SNX7: variants seen among roughly 807,000 people sequenced by gnomAD.
The protein encoded by SNX7 is sorting nexin 7, also known as sorting nexin-7.
Under a neutral mutation model 48.4 loss-of-function variants are expected in SNX7, and 35 were observed. That is an observed-to-expected ratio of 0.72 (90% CI 0.55 to 0.96). The LOEUF is 0.96. SNX7 is among the 40% of genes least tolerant of loss of function. SNX7 has a pLI of 0.00. For missense variants in SNX7, 553 were observed against 548.9 expected (o/e 1.01, Z -0.07); for synonymous variants, 190 against 190.2 (o/e 1.00, Z 0.01).
intron 7 of SNX7, among the ~76,000 whole-genome samples, chr1:98,723,806 A>G (rs983078156): frequency 2.0e-5 from 3 of 151,964 alleles, no homozygotes; most frequent in African/African-American, 7.3e-5. Flanking sequence ...GGTTGCGCTG[A>G]ACTGAGATCG....
rs1166805086 is a variant in SNX7 at position 98,709,122 on chromosome 1, T to G, written c.1125+7219T>G. On this transcript the variant is annotated intron_variant, in intron 7 of 8. Coordinates refer to ENST00000306121, the MANE Select transcript of SNX7 (RefSeq NM_015976.5). ...TTAGTTTACTCAACTGTGAGAGATGTGGGTAATGCCTTCCGTAGAGTGTTG... is the reference window on the plus strand; with the variant it reads ...TTAGTTTACTCAACTGTGAGAGATGGGGGTAATGCCTTCCGTAGAGTGTTG... Among the ~76,000 whole-genome samples, 3 of 152,210 alleles carry G rather than the reference T, an allele frequency of 2.0e-5. No homozygotes were observed. In the South Asian group the frequency reaches 6.2e-4, roughly 32 times the overall value.
At chr1:98,676,139 A>G (rs899133702) in intron 1 of SNX7, among the ~76,000 whole-genome samples, 1 of 151,778 alleles carries the variant, frequency 6.6e-6, no homozygotes, top group Non-Finnish European at 1.5e-5. Context: ...CCATCCCCCC[A>G]GTCATACACA....
chr1:98,696,256 T>C (rs1651452077), intron 5 of SNX7, among the ~76,000 whole-genome samples: 1 of 152,026 alleles, frequency 6.6e-6, no homozygotes, highest in African/African-American at 2.4e-5. Flanking sequence ...AATTTTCTAA[T>C]TGCATTTACT....
At chr1:98,702,503 AC>A (rs1206724819) in intron 7 of SNX7, among the ~76,000 whole-genome samples, 1 of 152,072 alleles carries the variant, frequency 6.6e-6, no homozygotes, top group Non-Finnish European at 1.5e-5. Flanking sequence ...TTAAATTTTT[AC>A]TGAAGTATTC....
chr1:98,737,717 TAG>T (rs1448638656), intron 7 of SNX7, among the ~76,000 whole-genome samples: 1 of 152,046 alleles, frequency 6.6e-6, no homozygotes, highest in African/African-American at 2.4e-5. Flanking sequence ...GCTATCTGAG[TAG>T]AGTTTGCAGG....
In SNX7 at chr1:98,739,331, G is replaced by A. The variant is rs369676959; in HGVS notation, c.1278+942G>A. Among the ~76,000 whole-genome samples the A allele has an allele frequency of 2.0e-5, 3 of 152,230 alleles. No homozygotes were observed. In the East Asian group the frequency reaches 5.8e-4, roughly 29 times the overall value. On this transcript the variant is annotated intron_variant, in intron 8 of 8. Transcript: ENST00000306121. Reference sequence around the variant, plus strand: ...GACCAGTACCAGTCCATGGCCCAGGGGTTGAGGACCCCTGTAATTTATAGT... The same window carrying A: ...GACCAGTACCAGTCCATGGCCCAGGAGTTGAGGACCCCTGTAATTTATAGT...
intron 7 of SNX7, among the ~76,000 whole-genome samples, chr1:98,719,974 G>A (rs1052307577): frequency 6.0e-5 from 9 of 150,534 alleles, no homozygotes; most frequent in Non-Finnish European, 1.0e-4. Flanking sequence ...TGTCCCAGTC[G>A]TACCCGTTAT....
chr1:98,755,770 A>C (rs944891323), intron 8 of SNX7, among the ~76,000 whole-genome samples: 1 of 151,806 alleles, frequency 6.6e-6, no homozygotes, highest in Admixed American at 6.6e-5. Flanking sequence ...GCCCATATAT[A>C]TATTTTTTAA....
chr1:98,739,603 A>G (rs889047700), intron 8 of SNX7, among the ~76,000 whole-genome samples: 1 of 152,320 alleles, frequency 6.6e-6, no homozygotes, highest in African/African-American at 2.4e-5. Flanking sequence ...CGGTATAGAA[A>G]GACATTGCAG....
intron 7 of SNX7, among the ~76,000 whole-genome samples, chr1:98,726,842 T>G (rs1009438486): frequency 9.9e-5 from 15 of 152,212 alleles, no homozygotes; most frequent in Non-Finnish European, 1.6e-4. Flanking sequence ...AGGCAGGACC[T>G]TCCCTCTCAT....
At chr1:98,713,969 A>G (rs544246015) in intron 7 of SNX7, among the ~76,000 whole-genome samples, 149 of 152,356 alleles carry the variant, frequency 9.8e-4, no homozygotes, top group Middle Eastern at 3.4e-3. Flanking sequence ...CACATGTTGG[A>G]AAAATGATGC....
chr1:98,705,417 A>G (rs557195509), intron 7 of SNX7, among the ~76,000 whole-genome samples: 50 of 152,298 alleles, frequency 3.3e-4, no homozygotes, highest in African/African-American at 1.0e-3. Context: ...TTTATCATGT[A>G]TAGGTTGAGG....
At chr1:98,711,226 G>A (rs1300345529) in intron 7 of SNX7, among the ~76,000 whole-genome samples, 7 of 151,926 alleles carry the variant, frequency 4.6e-5, no homozygotes, top group Admixed American at 3.3e-4. Flanking sequence ...CATGTTGGCC[G>A]GGCTGGATCT....
intron 8 of SNX7, among the ~76,000 whole-genome samples, chr1:98,744,061 C>G (rs892234903): frequency 2.6e-5 from 4 of 151,976 alleles, no homozygotes; most frequent in African/African-American, 9.7e-5. Flanking sequence ...GGGGAATAGT[C>G]TCCCTAGACT....
intron 8 of SNX7, among the ~76,000 whole-genome samples, chr1:98,752,265 TC>T (rs1218276114): frequency 4.6e-5 from 7 of 152,036 alleles, no homozygotes; most frequent in Non-Finnish European, 8.8e-5. Flanking sequence ...GGTTTCGTAC[TC>T]AAGAGCAAAG....
chr1:98,732,103 A>G (rs370237047), intron 7 of SNX7, among the ~76,000 whole-genome samples: 4 of 152,218 alleles, frequency 2.6e-5, no homozygotes, highest in African/African-American at 7.2e-5. Flanking sequence ...CCTAAGTTGA[A>G]TGATTTTAAT....
At chr1:98,676,883 G>A (rs552579316) in intron 1 of SNX7, among the ~76,000 whole-genome samples, 115 of 152,290 alleles carry the variant, frequency 7.6e-4, no homozygotes, top group African/African-American at 2.7e-3. Context: ...CAATGGCAGA[G>A]ATAGGACCAG....
intron 1 of SNX7, among the ~76,000 whole-genome samples, chr1:98,666,592 A>G (rs1649547330): frequency 6.6e-6 from 1 of 152,114 alleles, no homozygotes; most frequent in South Asian, 2.1e-4. Context: ...AACAATGTGG[A>G]GAGTTACTTT....
At chr1:98,716,076 C>T (rs998194637) in intron 7 of SNX7, among the ~76,000 whole-genome samples, 22 of 152,096 alleles carry the variant, frequency 1.4e-4, no homozygotes, top group African/African-American at 4.1e-4. Context: ...TTTCTGACAG[C>T]GAGAGACAGG....
Sources: allele counts gnomAD v4.1 joint callset (sites outside exome capture counted in the v4.1 genomes callset), GRCh38; gene constraint gnomAD v4.1.1; transcripts MANE v1.5; gene names NCBI Gene and HGNC (gene_info 2026-07-23, HGNC 2026-07-21).